UBE3A: variants seen among roughly 807,000 people sequenced by gnomAD.
UBE3A encodes the protein ubiquitin-protein ligase E3A.
UBE3A carries 6 observed loss-of-function variants against 83.4 expected under a neutral mutation model. The observed-to-expected ratio is 0.07, with a 90% CI of 0.04 to 0.14. UBE3A has a LOEUF of 0.14. Among genes scored for constraint, UBE3A ranks in the 10% least tolerant of loss-of-function variants. The pLI is 1.00. For missense variants in UBE3A, 456 were observed against 1,036.1 expected (o/e 0.44, Z 7.69); for synonymous variants, 337 against 355.4 (o/e 0.95, Z 0.58).
chr15:25,380,085 G>A (rs1030098708), intron 4 of UBE3A, among the ~76,000 whole-genome samples: 1 of 152,092 alleles, frequency 6.6e-6, no homozygotes, highest in Non-Finnish European at 1.5e-5. Flanking sequence ...TCTTGTGGTA[G>A]TAAGTCTCAC....
At chr15:25,388,722 GAAAAAC>G (rs906157228) in intron 4 of UBE3A, among the ~76,000 whole-genome samples, 9 of 151,272 alleles carry the variant, frequency 5.9e-5, no homozygotes, top group Admixed American at 5.9e-4. Flanking sequence ...AAAAGAAAAA[GAAAAAC>G]AACAAAAACC....
intron 4 of UBE3A, chr15:25,393,777 G>A (rs1425563877): frequency 6.6e-6 from 1 of 152,170 alleles, no homozygotes; most frequent in Non-Finnish European, 1.5e-5. Flanking sequence ...TTTATATGAT[G>A]CTTCAGGTGG....
At chr15:25,429,558 T>C (rs1892438141) in intron 1 of UBE3A, among the ~76,000 whole-genome samples, 1 of 152,014 alleles carries the variant, frequency 6.6e-6, no homozygotes, top group Non-Finnish European at 1.5e-5. Context: ...AGAATAAAAA[T>C]ATGATACAGG....
In UBE3A at chr15:25,339,020, T is replaced by G; in HGVS notation, c.*117A>C. The G allele has an allele frequency of 8.2e-7, 1 of 1,220,522 alleles. No individual in the cohort carries two copies. Among genetic ancestry groups the G allele is most frequent in the South Asian group, 1.8e-5 (1 of 57,118 alleles). 75.6% of individuals were successfully genotyped at this position (1,220,522 alleles called of 1,614,324 possible). On this transcript the variant is annotated 3_prime_UTR_variant, in exon 13 of 13. Transcript: ENST00000648336. Reference sequence around the variant, plus strand: ...CTGTGGTTGACTATCTTACAGCCTTTTTGTACTGGGACACTATCACCACCA... The same window carrying G: ...CTGTGGTTGACTATCTTACAGCCTTGTTGTACTGGGACACTATCACCACCA...
In UBE3A at chr15:25,371,088, A is replaced by G. The variant is rs375600705; in HGVS notation, c.1086T>C (p.Asp362=). The G allele has an allele frequency of 6.2e-7, 1 of 1,614,124 alleles. No homozygotes were observed. The highest frequency in any genetic ancestry group is 8.5e-7 in the Non-Finnish European group (1 of 1,179,990). The change falls in exon 6 of 13, where the codon GAT becomes GAC. Residue 362 remains aspartate (D), a synonymous_variant. Coordinates refer to ENST00000648336, the MANE Select transcript of UBE3A (RefSeq NM_130839.5). This position sits in a 1 kb window ranked among gnomAD's most constrained non-coding sequence, Gnocchi z 5.3. The part of the protein sequence containing the change: ...EFNSRNLVND[D]DAIVAASKCL... ...ACTTCGAAGCAGCAACAATGGCATC[A>G]TCATCATTCACTAGATTTCGACTGT...
At chr15:25,348,599 T>G (rs1223350942) in intron 11 of UBE3A, among the ~76,000 whole-genome samples, 2 of 152,164 alleles carry the variant, frequency 1.3e-5, no homozygotes. Context: ...ACTAAATAAC[T>G]ACTAGAATAA....
intron 4 of UBE3A, among the ~76,000 whole-genome samples, chr15:25,393,376 T>A (rs1046351420): frequency 6.6e-6 from 1 of 152,302 alleles, no homozygotes; most frequent in African/African-American, 2.4e-5. Flanking sequence ...ATTATATCAC[T>A]GAATACTCAA....
At chr15:25,350,609 C>T (rs563707574) in intron 11 of UBE3A, among the ~76,000 whole-genome samples, 2 of 152,088 alleles carry the variant, frequency 1.3e-5, no homozygotes, top group Non-Finnish European at 2.9e-5. Flanking sequence ...TACATGTTTG[C>T]CCAGGAGAAA....
Position 25,411,407 on chromosome 15 carries a change from C to T in UBE3A, c.-101+501G>A, listed in dbSNP as rs144548866. The stretch of plus-strand genomic sequence containing the variant: ...GAGTTCGAGACTAGCCTGGCCAACA[C>T]GGTGAAACCCCGTCTCTACTAAAAA... On this transcript the variant is annotated intron_variant, in intron 2 of 12. Coordinates refer to ENST00000648336, the MANE Select transcript of UBE3A (RefSeq NM_130839.5). Among the ~76,000 whole-genome samples, 1,100 of 151,972 alleles carry T rather than the reference C, an allele frequency of 7.2e-3. 15 individuals carry two copies. Among genetic ancestry groups the T allele is most frequent in the African/African-American group, 0.025 (1,055 of 41,462 alleles).
intron 3 of UBE3A, chr15:25,407,192 C>T: frequency 7.5e-7 from 1 of 1,332,694 alleles, no homozygotes; most frequent in Non-Finnish European, 9.9e-7. Context: ...AAAGTGCGAC[C>T]CTCCAGCATC....
chr15:25,409,165 C>T lies in UBE3A; in HGVS notation c.-58G>A. On this transcript the variant is annotated 5_prime_UTR_variant, in exon 3 of 13. The change creates a new upstream start codon in the 5' untranslated region. Coordinates refer to ENST00000648336, the MANE Select transcript of UBE3A (RefSeq NM_130839.5). Reference sequence around the variant, plus strand: ...CACTGATTAAAAACAGGTTGTCACACCAGTCTAGCTGCTACCTTGATCTGA... The same window carrying T: ...CACTGATTAAAAACAGGTTGTCACATCAGTCTAGCTGCTACCTTGATCTGA... The T allele has an allele frequency of 6.4e-7, 1 of 1,552,164 alleles. No individual in the cohort carries two copies. The highest frequency in any genetic ancestry group is 8.8e-7 in the Non-Finnish European group (1 of 1,135,536).
chr15:25,356,366 T>C (rs1034692473), intron 8 of UBE3A, among the ~76,000 whole-genome samples: 4 of 152,246 alleles, frequency 2.6e-5, no homozygotes, highest in East Asian at 3.9e-4. Flanking sequence ...GCACACTCGT[T>C]GTAACTACCA....
intron 4 of UBE3A, among the ~76,000 whole-genome samples, chr15:25,396,888 G>C (rs1257559730): frequency 6.6e-6 from 1 of 152,002 alleles, no homozygotes; most frequent in East Asian, 1.9e-4. Flanking sequence ...TATTATTTAA[G>C]ATGCATTCAA....
chr15:25,369,477 AATTCTAAAACTAAAATTTAGAC>A (rs1001392168), intron 6 of UBE3A, among the ~76,000 whole-genome samples: 1 of 152,102 alleles, frequency 6.6e-6, no homozygotes, highest in Non-Finnish European at 1.5e-5. Context: ...GAATTTAGAC[AATTCTAAAACTAAAATTTAGAC>A]ATTCTAAAAC....
At chr15:25,437,801 C>T (rs578219318) in intron 1 of UBE3A, among the ~76,000 whole-genome samples, 1 of 152,154 alleles carries the variant, frequency 6.6e-6, no homozygotes, top group African/African-American at 2.4e-5. Context: ...CAACAAAAGC[C>T]TTTACCACCA....
Position 25,339,199 on chromosome 15 carries a change from C to G in UBE3A, c.2557G>C (p.Glu853Gln), listed in dbSNP as rs1340467338. The stretch of plus-strand genomic sequence containing the variant: ...TTCAACAATCTCTCTTTAAGTTTTT[C>G]TTTGCTTGAGTATTCCGGAAGTAAA... ...VLLLPEYSSK[E>Q]KLKERLLKAI... Residue 853 changes from glutamate to glutamine, a missense_variant, in exon 13 of 13, where the codon GAA (glutamate) becomes CAA (glutamine). Glu to Gln is a conservative substitution (Grantham distance 29). Transcript: ENST00000648336. 1.9e-6 allele frequency: 3 copies of G among 1,608,126 alleles called. No individual in the cohort carries two copies. The highest frequency in any genetic ancestry group is 2.5e-6 in the Non-Finnish European group (3 of 1,178,234).
Position 25,387,382 on chromosome 15 carries a change from C to T in UBE3A, c.63-11619G>A, listed in dbSNP as rs562149522. Among the ~76,000 whole-genome samples, 61 of 152,106 alleles carry T rather than the reference C, an allele frequency of 4.0e-4. No individual in the cohort carries two copies. In the South Asian group the frequency reaches 0.012, roughly 29 times the overall value. On this transcript the variant is annotated intron_variant, in intron 4 of 12. Transcript: ENST00000648336. ...TAAAAATACAAAAAAATTAGCCACA[C>T]GTGGTGGCAGGCGCCTGTAGTCCCA...
chr15:25,406,378 A>T (rs2088542539), intron 3 of UBE3A, among the ~76,000 whole-genome samples: 1 of 152,162 alleles, frequency 6.6e-6, no homozygotes, highest in Non-Finnish European at 1.5e-5. Context: ...GTTATTTCTA[A>T]ATATACTACT....
chr15:25,360,334 TAAC>T, intron 7 of UBE3A, 46 bp downstream of exon 7: 1 of 1,609,462 alleles, frequency 6.2e-7, no homozygotes, highest in South Asian at 1.1e-5. Context: ...AACAAATAAC[TAAC>T]TCAAAAGATG....
Sources: gnomAD v4.1 joint callset for allele counts (sites outside exome capture counted in the v4.1 genomes callset) on GRCh38, gnomAD v4.1.1 for gene constraint, Gnocchi (gnomAD v3.1) non-coding constraint, MANE v1.5 for transcripts, NCBI Gene and HGNC (gene_info 2026-07-23, HGNC 2026-07-21) for gene names.